The following SUGCT variants were observed in gnomAD, a reference collection of about 807,000 sequenced individuals.
SUGCT encodes succinyl-CoA:glutarate CoA-transferase.
SUGCT carries 41 observed loss-of-function variants against 55.0 expected under a neutral mutation model. That is an observed-to-expected ratio of 0.74 (90% CI 0.58 to 0.97). The LOEUF (loss-of-function observed/expected upper bound fraction) is 0.97, where lower values mean the gene tolerates loss of function less well. Among genes scored for constraint, SUGCT ranks in the 50% least tolerant of loss-of-function variants. The pLI is 0.00. For synonymous variants in SUGCT, 187 were observed against 200.4 expected (o/e 0.93, Z 0.56); for missense variants, 568 against 547.8 (o/e 1.04, Z -0.37).
chr7:40,197,569 C>T (rs1786360661), intron 6 of SUGCT, among the ~76,000 whole-genome samples: 1 of 152,150 alleles, frequency 6.6e-6, no homozygotes, highest in African/African-American at 2.4e-5. Context: ...GATCAGTGGC[C>T]ACCAAATGCA....
chr7:40,381,336 C>A (rs899412984), intron 9 of SUGCT, among the ~76,000 whole-genome samples: 2 of 152,002 alleles, frequency 1.3e-5, no homozygotes, highest in African/African-American at 4.8e-5. Context: ...CTCACTTTTA[C>A]AGGAATATTA....
intron 12 of SUGCT, among the ~76,000 whole-genome samples, chr7:40,650,177 G>A (rs962667162): frequency 1.3e-5 from 2 of 152,202 alleles, no homozygotes; most frequent in Non-Finnish European, 2.9e-5. Context: ...TCTCAGTTTT[G>A]CAGGTGACAA....
At chr7:40,552,610 G>A (rs938513669) in intron 12 of SUGCT, among the ~76,000 whole-genome samples, 10 of 152,136 alleles carry the variant, frequency 6.6e-5, no homozygotes, top group African/African-American at 2.4e-4. Context: ...AGTGCAAGTA[G>A]GATACATAAA....
chr7:40,980,137 C>CAGCAAGAGAG, the SUGCT span, among the ~76,000 whole-genome samples: 294 of 152,142 alleles, frequency 1.9e-3, 3 homozygotes, highest in South Asian at 1.9e-3. Flanking sequence ...AAGAGAGAGA[C>CAGCAAGAGAG]AGCAAGAGAG....
chr7:40,271,266 T>C (rs1373131664), intron 7 of SUGCT, among the ~76,000 whole-genome samples: 3 of 152,288 alleles, frequency 2.0e-5, no homozygotes, highest in Middle Eastern at 3.4e-3. Flanking sequence ...CCTTGTCTCA[T>C]TCTTTTAAAA....
rs138209132 is a variant in SUGCT at position 40,427,114 on chromosome 7, A to G, written c.817-22173A>G. Among the ~76,000 whole-genome samples, 94 of 152,280 alleles carry G rather than the reference A, an allele frequency of 6.2e-4. No homozygotes were observed. The East Asian group carries it at 0.013, about 21-fold the overall frequency. Reference sequence around the variant, plus strand: ...CATGAGCCATACAACCCAGCTAAGAATAGCACATTTTAAATTTTGATTGAG... The same window carrying G: ...CATGAGCCATACAACCCAGCTAAGAGTAGCACATTTTAAATTTTGATTGAG... On this transcript the variant is annotated intron_variant, in intron 9 of 13. Transcript: ENST00000335693.
chr7:40,692,291 A>G (rs1048958591), intron 12 of SUGCT, among the ~76,000 whole-genome samples: 2 of 152,202 alleles, frequency 1.3e-5, no homozygotes, highest in Non-Finnish European at 2.9e-5. Flanking sequence ...CGGTTCTATA[A>G]AAACTACAGT....
intron 13 of SUGCT, among the ~76,000 whole-genome samples, chr7:40,847,119 G>A (rs1054102293): frequency 2.6e-5 from 4 of 152,200 alleles, no homozygotes; most frequent in Admixed American, 6.5e-5. Flanking sequence ...AGATTAATGA[G>A]TTTCTCCTCT....
intron 11 of SUGCT, among the ~76,000 whole-genome samples, chr7:40,472,065 A>T (rs568855462): frequency 1.3e-5 from 2 of 152,264 alleles, no homozygotes; most frequent in East Asian, 3.9e-4. Flanking sequence ...GTTGCGTAAG[A>T]CATAGTAAGA....
chr7:40,693,699 C>T (rs1784796524), intron 12 of SUGCT, among the ~76,000 whole-genome samples: 2 of 152,152 alleles, frequency 1.3e-5, no homozygotes, highest in South Asian at 2.1e-4. Flanking sequence ...CTTTTTATTT[C>T]AACCTGATGT....
intron 12 of SUGCT, among the ~76,000 whole-genome samples, chr7:40,588,979 A>G (rs375080225): frequency 3.3e-5 from 5 of 152,334 alleles, no homozygotes; most frequent in East Asian, 3.9e-4. Context: ...TCTGTTTTGT[A>G]CAAATAAATA....
chr7:40,693,980 C>T (rs532245008), intron 12 of SUGCT, among the ~76,000 whole-genome samples: 23 of 152,312 alleles, frequency 1.5e-4, no homozygotes, highest in African/African-American at 5.3e-4. Flanking sequence ...ACAGATCAAA[C>T]AAATTAAAGA....
At chr7:41,002,718 A>G in the SUGCT span, among the ~76,000 whole-genome samples, 1 of 152,216 alleles carries the variant, frequency 6.6e-6, no homozygotes, top group Admixed American at 6.5e-5. Flanking sequence ...TTTAATGCTT[A>G]TTAGGTGTCA....
chr7:40,179,360 C>T (rs1335912553), intron 1 of SUGCT, among the ~76,000 whole-genome samples: 5 of 151,864 alleles, frequency 3.3e-5, no homozygotes, highest in Non-Finnish European at 5.9e-5. Flanking sequence ...ATGGCGCCAT[C>T]TCAGATTACT....
At chr7:40,898,496 G>GGGGGGGGT in the SUGCT span, among the ~76,000 whole-genome samples, 1 of 101,948 alleles carries the variant, frequency 9.8e-6, no homozygotes, top group Non-Finnish European at 2.3e-5. Context: ...GGGGGGGGGG[G>GGGGGGGGT]GTGGATCACG....
intron 12 of SUGCT, among the ~76,000 whole-genome samples, chr7:40,632,961 T>C (rs936968042): frequency 2.6e-5 from 4 of 152,154 alleles, no homozygotes; most frequent in Admixed American, 6.5e-5. Context: ...AGTCAAGCCA[T>C]GTTGGTTCAT....
At chr7:40,907,298 C>G in the SUGCT span, among the ~76,000 whole-genome samples, 1 of 152,094 alleles carries the variant, frequency 6.6e-6, no homozygotes, top group Non-Finnish European at 1.5e-5. Flanking sequence ...GTCATATTCC[C>G]AGACAGAAAT....
chr7:40,186,067 TTC>T (rs1785484468), intron 3 of SUGCT, among the ~76,000 whole-genome samples: 1 of 144,504 alleles, frequency 6.9e-6, no homozygotes. Context: ...GGTTGTTGTT[TTC>T]TTTCTTTCTT....
intron 9 of SUGCT, among the ~76,000 whole-genome samples, chr7:40,433,524 TTAAGC>T (rs1403466142): frequency 2.6e-5 from 4 of 152,206 alleles, no homozygotes; most frequent in Admixed American, 6.5e-5. Context: ...TCTTACTTAG[TTAAGC>T]CGAATATGGC....
Sources: allele counts gnomAD v4.1 joint callset (sites outside exome capture counted in the v4.1 genomes callset), GRCh38; gene constraint gnomAD v4.1.1; transcripts MANE v1.5; gene names NCBI Gene and HGNC (gene_info 2026-07-23, HGNC 2026-07-21).